Variants in MYO3B observed in about 807,000 individuals in gnomAD.
The protein encoded by MYO3B is myosin IIIB, also known as myosin-IIIb.
In MYO3B, 156 loss-of-function variants were observed where a neutral mutation model predicts 174.6. The observed-to-expected ratio is 0.89, with a 90% confidence interval of 0.78 to 1.02. MYO3B has a LOEUF of 1.02. Ranked by LOEUF, MYO3B falls within the 50% of genes least tolerant of loss-of-function variation. The pLI is 0.00. For synonymous variants in MYO3B, 563 were observed against 569.1 expected, an observed-to-expected ratio of 0.99 and a Z score of 0.15; for missense variants, 1,632 against 1,639.4, an observed-to-expected ratio of 1.00 and a Z score of 0.08.
intron 8 of MYO3B, among the ~76,000 whole-genome samples, chr2:170,357,381 T>C (rs2105628785): frequency 6.8e-6 from 1 of 147,890 alleles, no homozygotes; most frequent in South Asian, 2.1e-4. Context: ...ATATGTGTAT[T>C]ATATATTATA....
intron 32 of MYO3B, among the ~76,000 whole-genome samples, chr2:170,563,112 T>A (rs1001249639): frequency 5.3e-5 from 7 of 131,128 alleles, no homozygotes; most frequent in South Asian, 2.4e-4. Flanking sequence ...TCTCTCTCTC[T>A]CACACATACA....
intron 8 of MYO3B, among the ~76,000 whole-genome samples, chr2:170,343,030 A>AACACACACAC (rs56221872): frequency 4.9e-4 from 66 of 136,012 alleles, no homozygotes; most frequent in South Asian, 5.1e-4. Context: ...TCGGGCCTCT[A>AACACACACAC]ACACACACAC....
intron 25 of MYO3B, among the ~76,000 whole-genome samples, chr2:170,481,230 T>C (rs1030814043): frequency 1.3e-5 from 2 of 152,218 alleles, no homozygotes; most frequent in Non-Finnish European, 2.9e-5. Context: ...GAGAGTCTGA[T>C]ATAAACAGAT....
chr2:170,335,515 C>A, intron 8 of MYO3B, 65 bp downstream of exon 8: 1 of 1,303,378 alleles, frequency 7.7e-7, no homozygotes, highest in South Asian at 1.3e-5. Flanking sequence ...TGGAGAAATC[C>A]AGGCTGTGGA....
chr2:170,389,995 T>A (rs762178013), intron 14 of MYO3B, among the ~76,000 whole-genome samples: 27 of 142,864 alleles, frequency 1.9e-4, no homozygotes, highest in Non-Finnish European at 3.7e-4. Context: ...CATGAATCCC[T>A]TTAGTCCTGT....
intron 7 of MYO3B, among the ~76,000 whole-genome samples, chr2:170,324,233 T>G (rs1304753044): frequency 6.6e-6 from 1 of 152,230 alleles, no homozygotes; most frequent in African/African-American, 2.4e-5. Flanking sequence ...TTCCCCTCAC[T>G]GGCCCCTTTG....
At chr2:170,239,499 T>G (rs1204103660) in intron 7 of MYO3B, among the ~76,000 whole-genome samples, 2 of 152,230 alleles carry the variant, frequency 1.3e-5, no homozygotes, top group African/African-American at 4.8e-5. Flanking sequence ...GGGCCAGGTA[T>G]GAGCTGACTC....
chr2:170,580,913 TTC>T (rs1693105895), intron 32 of MYO3B, among the ~76,000 whole-genome samples: 1 of 152,074 alleles, frequency 6.6e-6, no homozygotes, highest in South Asian at 2.1e-4. Flanking sequence ...CAACACAATA[TTC>T]TCTTTTTTAT....
At chr2:170,602,016 A>C in intron 32 of MYO3B, 1 of 913,114 alleles carries the variant, frequency 1.1e-6, no homozygotes, top group East Asian at 2.4e-5. Context: ...TTTCTCTTTC[A>C]TAACGGTCTT....
chr2:170,442,646 TCCCCACTCC>T (rs1239426462), intron 22 of MYO3B, among the ~76,000 whole-genome samples: 109 of 152,174 alleles, frequency 7.2e-4, no homozygotes, highest in African/African-American at 2.5e-3. Flanking sequence ...ATGCTATCCC[TCCCCACTCC>T]CCCCACTCCC....
chr2:170,565,610 G>A (rs911145003), intron 32 of MYO3B, among the ~76,000 whole-genome samples: 17 of 152,220 alleles, frequency 1.1e-4, no homozygotes, highest in Non-Finnish European at 2.2e-4. Flanking sequence ...CCATAGGACT[G>A]GAGCTCAGGA....
At chr2:170,306,954 G>T (rs1336965267) in intron 7 of MYO3B, among the ~76,000 whole-genome samples, 1 of 152,136 alleles carries the variant, frequency 6.6e-6, no homozygotes, top group African/African-American at 2.4e-5. Context: ...ATATGGAAAT[G>T]GGGAAAACAT....
chr2:170,400,273 C>A lies in MYO3B; in HGVS notation c.1877C>A (p.Thr626Asn), dbSNP rs1237235272. 1 of 1,613,996 alleles carries A rather than the reference C, an allele frequency of 6.2e-7. No individual in the cohort carries two copies. The highest frequency in any genetic ancestry group is 1.7e-5 in the Admixed American group (1 of 60,008). The change falls in exon 17 of 35, where the codon ACT becomes AAT. Residue 626 changes from threonine (T) to asparagine (N), a missense_variant. By Grantham distance (65) the Thr-to-Asn change is moderately conservative (BLOSUM62 0). Transcript: ENST00000408978. ...GCAGCTATTTCCTCTCAACATCAGACTGATAAAAGTGAGGTGCCCAATGCT... is the reference window on the plus strand; with the variant it reads ...GCAGCTATTTCCTCTCAACATCAGAATGATAAAAGTGAGGTGCCCAATGCT... ...EFAAISSQHQTDKSEVPNAEA... is the reference protein window; with the variant it reads ...EFAAISSQHQNDKSEVPNAEA...
intron 22 of MYO3B, among the ~76,000 whole-genome samples, chr2:170,415,035 G>A (rs182751836): frequency 6.0e-4 from 91 of 152,170 alleles, no homozygotes; most frequent in Non-Finnish European, 1.2e-3. Context: ...GAACTCTTTT[G>A]TTTCTTCCTT....
intron 1 of MYO3B, 142 bp from the exon 2 acceptor site, chr2:170,199,066 C>T: frequency 1.7e-6 from 1 of 579,434 alleles, no homozygotes; most frequent in Middle Eastern, 4.9e-4. Context: ...AGTTCTTTTT[C>T]AAAAAATTTA....
At chr2:170,287,843 G>C (rs951369168) in intron 7 of MYO3B, among the ~76,000 whole-genome samples, 1 of 151,938 alleles carries the variant, frequency 6.6e-6, no homozygotes, top group Non-Finnish European at 1.5e-5. Flanking sequence ...TCTTCTAGTA[G>C]TTTCATTGTT....
Position 170,217,483 on chromosome 2 carries a change from A to T in MYO3B, c.603+88A>T. On this transcript the variant is annotated intron_variant, in intron 6 of 34. Transcript: ENST00000408978. ...TATGGGTAAGTCATATGCTTTGCAG[A>T]ATTTTTAGGGAGAAGAAAGTCCATT... is the stretch of plus-strand genomic sequence containing the variant. 3.5e-6 allele frequency: 4 copies of T among 1,133,462 alleles called. No individual in the cohort carries two copies. The South Asian group carries it at 4.9e-5, about 14-fold the overall frequency. 70.2% of individuals were successfully genotyped at this position (1,133,462 alleles called of 1,614,324 possible). A position where few individuals can be genotyped will look rare whatever the true frequency, so the allele number is the denominator to read the frequency against.
chr2:170,186,844 C>T (rs948335570), intron 1 of MYO3B, among the ~76,000 whole-genome samples: 3 of 152,018 alleles, frequency 2.0e-5, no homozygotes, highest in Non-Finnish European at 4.4e-5. Flanking sequence ...ATGGTTCAAT[C>T]TTGGTAGGTT....
chr2:170,629,364 T>A (rs1176467566), intron 32 of MYO3B, among the ~76,000 whole-genome samples: 1 of 152,216 alleles, frequency 6.6e-6, no homozygotes, highest in Middle Eastern at 3.2e-3. Flanking sequence ...GAGTCTTAGA[T>A]CTTCCCTGTT....
Sources: gnomAD v4.1 joint callset for allele counts (sites outside exome capture counted in the v4.1 genomes callset) on GRCh38, gnomAD v4.1.1 for gene constraint, MANE v1.5 for transcripts, NCBI Gene and HGNC (gene_info 2026-07-23, HGNC 2026-07-21) for gene names.